BEND2: variants seen among roughly 807,000 people sequenced by gnomAD.
The protein encoded by BEND2 is BEN domain-containing protein 2.
A neutral mutation model predicts 43.8 loss-of-function variants in BEND2; 19 were observed. The observed-to-expected ratio is 0.43, with a 90% CI of 0.30 to 0.64. The LOEUF (loss-of-function observed/expected upper bound fraction) is 0.64, where lower values mean the gene tolerates loss of function less well. Among genes scored for constraint, BEND2 ranks in the 30% least tolerant of loss-of-function variants. The pLI, the probability that BEND2 is intolerant of heterozygous loss-of-function variation, is 0.11. For synonymous variants in BEND2, 226 were observed against 210.1 expected, an observed-to-expected ratio of 1.08 and a Z score of -0.66; for missense variants, 544 against 574.0, an observed-to-expected ratio of 0.95 and a Z score of 0.53.
intron 8 of BEND2, 81 bp from the exon 9 acceptor site, chrX:18,180,731 G>T: frequency 1.4e-6 from 1 of 710,866 alleles, no homozygotes; most frequent in Non-Finnish European, 2.1e-6. Context: ...TACACTCTCA[G>T]ACAAAAGAAA....
At chrX:18,220,365 G>A (rs1195938098) in intron 1 of BEND2, among the ~76,000 whole-genome samples, 1 of 112,463 alleles carries the variant, frequency 8.9e-6, no homozygotes, top group African/African-American at 3.2e-5. Context: ...CGGGCCAGAG[G>A]GCAACCAGGC....
intron 6 of BEND2, among the ~76,000 whole-genome samples, chrX:18,197,708 CT>C (rs1925001984): frequency 1.8e-5 from 2 of 111,516 alleles, no homozygotes; most frequent in African/African-American, 3.3e-5. Context: ...TGCTTAAGAA[CT>C]CTCAACCGTG....
rs989093396 is a variant in BEND2, at chrX:18,178,043, C to G, written c.1430-274G>C. Reference sequence around the variant, plus strand: ...CTTGAGCTTGCTGTATTGAACTACTCTGTTCATTAGCTTGAACACATGTCA... The same window carrying G: ...CTTGAGCTTGCTGTATTGAACTACTGTGTTCATTAGCTTGAACACATGTCA... On this transcript the variant is annotated intron_variant, in intron 9 of 13. Coordinates refer to ENST00000380033, the MANE Select transcript of BEND2 (RefSeq NM_153346.5). 5.4e-5 allele frequency among the ~76,000 whole-genome samples: 6 copies of G among 111,246 alleles called. No homozygotes were observed. In the East Asian group the frequency reaches 1.7e-3, roughly 31 times the overall value.
At chrX:18,220,607 C>G in intron 1 of BEND2, 119 bp downstream of exon 1, 1 of 1,035,228 alleles carries the variant, frequency 9.7e-7, no homozygotes, top group Non-Finnish European at 1.3e-6. Flanking sequence ...CCGACACGCC[C>G]CGGTCAATGA....
At chrX:18,165,301 T>C in intron 13 of BEND2, 78 bp from the exon 14 acceptor site, 1 of 805,356 alleles carries the variant, frequency 1.2e-6, no homozygotes, top group South Asian at 2.3e-5. Context: ...ACTTTCATTC[T>C]ACTACTGCGA....
In BEND2 at chrX:18,194,972, A is replaced by AACACAC. The variant is rs201244726; in HGVS notation, c.1180+318_1180+323dup. 7.0e-3 allele frequency among the ~76,000 whole-genome samples: 699 copies of AACACAC among 99,319 alleles called. 5 individuals are homozygous for AACACAC. Among genetic ancestry groups the AACACAC allele is most frequent in the African/African-American group, 0.024 (644 of 27,056 alleles). The allele number at this position is 99,319 out of a possible 115,157, so 86.2% of individuals were successfully genotyped here. On this transcript the variant is annotated intron_variant, in intron 7 of 13. Transcript: ENST00000380033. ...TGTGGAATAAAGCTGCATAGTACTA[A>AACACAC]ACACACACACACACACACACACACA...
At chrX:18,201,361 A>G (rs1406015158) in intron 6 of BEND2, among the ~76,000 whole-genome samples, 1 of 77,300 alleles carries the variant, frequency 1.3e-5, no homozygotes, top group Non-Finnish European at 2.3e-5. Flanking sequence ...GCACCATTGT[A>G]CTCCAGCCTG....
chrX:18,166,512 G>A (rs1472784859), intron 13 of BEND2, among the ~76,000 whole-genome samples: 2 of 111,587 alleles, frequency 1.8e-5, no homozygotes, highest in Admixed American at 9.6e-5. Flanking sequence ...AGATGCAGCC[G>A]TGTTGGTGGA....
intron 5 of BEND2, 44 bp downstream of exon 5, chrX:18,203,457 A>G: frequency 8.8e-7 from 1 of 1,131,550 alleles, no homozygotes. Flanking sequence ...TTTAAAATCT[A>G]GATTGAAGAA....
At chrX:18,186,452 C>T in intron 8 of BEND2, among the ~76,000 whole-genome samples, 1 of 96,014 alleles carries the variant, frequency 1.0e-5, no homozygotes, top group Admixed American at 1.1e-4. Flanking sequence ...GAAGGAAACT[C>T]CGTCGGAAAA....
intron 9 of BEND2, among the ~76,000 whole-genome samples, chrX:18,180,149 C>T (rs1174904547): frequency 8.9e-6 from 1 of 111,998 alleles, no homozygotes; most frequent in Non-Finnish European, 1.9e-5. Flanking sequence ...TGCACTCCAG[C>T]CTGGGCAATA....
chrX:18,201,864 G>T lies in BEND2; in HGVS notation c.984C>A (p.Tyr328Ter), dbSNP rs1024191146. The change falls in exon 6 of 14, where the codon TAC becomes TAA. Residue 328 changes from tyrosine (Y) to a stop codon, truncating the protein, a stop_gained. Transcript: ENST00000380033. LOFTEE classifies it high-confidence loss of function. ...TANYPTLMGN[Y>*]NGQNTASLSV... ...ATAAAGAGGCAGTATTTTGGCCATT[G>T]TAATTTCCCATTAAAGTTGGATAAT... The T allele has an allele frequency of 5.0e-6, 6 of 1,210,080 alleles. No homozygotes were observed. Among genetic ancestry groups the T allele is most frequent in the Non-Finnish European group, 6.7e-6 (6 of 894,678 alleles).
At position 18,191,059 on chromosome X, in the gene BEND2, C is replaced by T. The variant is rs1459711117; in HGVS notation, c.1230G>A (p.Met410Ile). ...SYGTMSYSTE[M>I]KNNCDQDDAS... ...CATCATCTTGGTCACAGTTATTTTT[C>T]ATTTCAGTTGAGTAACTCATTGTCC... Residue 410 changes from methionine (M) to isoleucine (I), a missense_variant, in exon 8 of 14, where the codon ATG (methionine) becomes ATA (isoleucine). Met to Ile is a conservative substitution (Grantham distance 10). Around this residue, in one of 2 missense-constraint regions of BEND2, gnomAD observed 501 missense variants for 501.6 expected, o/e 1.00. Transcript: ENST00000380033. 1 of 1,208,346 alleles carries T rather than the reference C, an allele frequency of 8.3e-7. No homozygotes were observed. The highest frequency in any genetic ancestry group is 1.8e-5 in the African/African-American group (1 of 57,067).
chrX:18,210,463 C>G (rs185085511), intron 4 of BEND2, among the ~76,000 whole-genome samples: 436 of 112,107 alleles, frequency 3.9e-3, no homozygotes, highest in Non-Finnish European at 4.9e-3. Context: ...TTGCCCATCA[C>G]AAATCCTACA....
At chrX:18,207,585 GA>G (rs374093633) in intron 4 of BEND2, among the ~76,000 whole-genome samples, 27 of 108,071 alleles carry the variant, frequency 2.5e-4, no homozygotes, top group Middle Eastern at 4.8e-3. Flanking sequence ...GCTTTTTTGT[GA>G]AAAAAAAAGG....
At chrX:18,183,827 G>C (rs866933652) in intron 8 of BEND2, among the ~76,000 whole-genome samples, 1 of 111,571 alleles carries the variant, frequency 9.0e-6, no homozygotes, top group Non-Finnish European at 1.9e-5. Context: ...CTTGTGGCTT[G>C]GGTGCCAGCT....
intron 6 of BEND2, among the ~76,000 whole-genome samples, chrX:18,195,694 A>G (rs939874411): frequency 3.6e-5 from 4 of 110,125 alleles, no homozygotes; most frequent in African/African-American, 9.9e-5. Flanking sequence ...CAGCCTGGAC[A>G]ACATGAGACC....
chrX:18,196,708 A>C (rs1177971228), intron 6 of BEND2, among the ~76,000 whole-genome samples: 2 of 110,209 alleles, frequency 1.8e-5, no homozygotes, highest in African/African-American at 3.3e-5. Context: ...AAAAAAAAAA[A>C]AAACCTACAT....
chrX:18,179,020 T>A (rs1924280512), intron 9 of BEND2, among the ~76,000 whole-genome samples: 1 of 110,937 alleles, frequency 9.0e-6, no homozygotes, highest in African/African-American at 3.3e-5. Flanking sequence ...TTTATGTAAT[T>A]TTTATTATAC....
Sources: gnomAD v4.1 joint callset for allele counts (sites outside exome capture counted in the v4.1 genomes callset) on GRCh38, gnomAD v4.1.1 for gene constraint, gnomAD v4.1.1 regional missense constraint, MANE v1.5 for transcripts, NCBI Gene and HGNC (gene_info 2026-07-23, HGNC 2026-07-21) for gene names.